The following RSRC1 variants were observed in gnomAD, a reference collection of about 807,000 sequenced individuals.
The protein encoded by RSRC1 is serine/Arginine-related protein 53.
A neutral mutation model predicts 49.1 loss-of-function variants in RSRC1; 39 were observed. The observed-to-expected ratio is 0.79, with a 90% CI of 0.61 to 1.04. RSRC1 has a LOEUF of 1.04. RSRC1 is among the 50% of genes least tolerant of loss of function. The pLI is 0.00. For missense variants in RSRC1, 388 were observed against 402.4 expected (o/e 0.96, Z 0.31); for synonymous variants, 143 against 130.8 (o/e 1.09, Z -0.63).
At chr3:158,272,596 T>C (rs961248979) in intron 4 of RSRC1, among the ~76,000 whole-genome samples, 2 of 152,126 alleles carry the variant, frequency 1.3e-5, no homozygotes, top group African/African-American at 4.8e-5. Context: ...TATTGTTTTT[T>C]CCAGAATTAA....
chr3:158,386,909 G>A, intron 6 of RSRC1, among the ~76,000 whole-genome samples: 1 of 151,742 alleles, frequency 6.6e-6, no homozygotes, highest in East Asian at 1.9e-4. Context: ...GTAGTACATG[G>A]AAATAAAATG....
At chr3:158,143,495 G>T (rs1716876094) in intron 3 of RSRC1, among the ~76,000 whole-genome samples, 2 of 152,030 alleles carry the variant, frequency 1.3e-5, no homozygotes, top group South Asian at 2.1e-4. Flanking sequence ...TTTTTTAAAT[G>T]AAAAGTATTT....
chr3:158,119,457 G>C (rs1715098015), intron 1 of RSRC1, among the ~76,000 whole-genome samples: 1 of 151,972 alleles, frequency 6.6e-6, no homozygotes, highest in African/African-American at 2.4e-5. Flanking sequence ...AAACAAGATA[G>C]CAAGATAGTA....
chr3:158,170,589 T>C (rs1718824096), intron 3 of RSRC1, among the ~76,000 whole-genome samples: 1 of 152,118 alleles, frequency 6.6e-6, no homozygotes, highest in African/African-American at 2.4e-5. Context: ...CTTAAAGAAG[T>C]GTCTCATATG....
intron 6 of RSRC1, among the ~76,000 whole-genome samples, chr3:158,393,110 T>G (rs1733410410): frequency 6.6e-6 from 1 of 152,046 alleles, no homozygotes; most frequent in African/African-American, 2.4e-5. Context: ...AAAAATTCTT[T>G]GAAACTAATG....
intron 4 of RSRC1, among the ~76,000 whole-genome samples, chr3:158,276,587 A>G (rs1259272994): frequency 6.6e-6 from 1 of 152,150 alleles, no homozygotes; most frequent in Non-Finnish European, 1.5e-5. Context: ...CTCCTTCAGT[A>G]TTTGTCTTAT....
chr3:158,159,798 A>G (rs776274558), intron 3 of RSRC1, among the ~76,000 whole-genome samples: 7 of 152,156 alleles, frequency 4.6e-5, no homozygotes, highest in Non-Finnish European at 8.8e-5. Flanking sequence ...AAAAAAAATT[A>G]CTGATGAGAT....
At chr3:158,151,144 G>A (rs1355783008) in intron 3 of RSRC1, among the ~76,000 whole-genome samples, 1 of 152,162 alleles carries the variant, frequency 6.6e-6, no homozygotes, top group African/African-American at 2.4e-5. Flanking sequence ...CAAGAGAGAA[G>A]CATACAGATT....
intron 6 of RSRC1, among the ~76,000 whole-genome samples, chr3:158,411,701 C>G (rs1385152413): frequency 6.6e-6 from 1 of 151,828 alleles, no homozygotes; most frequent in Non-Finnish European, 1.5e-5. Context: ...ATTTATATTT[C>G]TCCAGTTACC....
intron 3 of RSRC1, among the ~76,000 whole-genome samples, chr3:158,131,176 G>A (rs1578115927): frequency 6.6e-6 from 1 of 151,302 alleles, no homozygotes; most frequent in African/African-American, 2.4e-5. Flanking sequence ...TTAAGTTCTA[G>A]GGTACATGTG....
At chr3:158,542,786 A>G (rs916603549) in intron 8 of RSRC1, among the ~76,000 whole-genome samples, 16 of 152,172 alleles carry the variant, frequency 1.1e-4, no homozygotes, top group African/African-American at 3.9e-4. Flanking sequence ...AAAGCCATTG[A>G]ATTATGTACT....
intron 4 of RSRC1, among the ~76,000 whole-genome samples, chr3:158,244,088 C>G (rs562274365): frequency 1.3e-5 from 2 of 151,606 alleles, no homozygotes; most frequent in African/African-American, 4.8e-5. Flanking sequence ...AGCTTGAGTT[C>G]CTCTCTATCT....
intron 3 of RSRC1, among the ~76,000 whole-genome samples, 190 bp downstream of exon 3, chr3:158,124,181 T>C (rs1425147320): frequency 6.6e-6 from 1 of 152,234 alleles, no homozygotes; most frequent in Non-Finnish European, 1.5e-5. Context: ...GATGGTCTAA[T>C]GTGGCCTCAC....
intron 6 of RSRC1, among the ~76,000 whole-genome samples, chr3:158,424,865 G>A (rs1418090595): frequency 6.6e-5 from 10 of 152,000 alleles, no homozygotes; most frequent in African/African-American, 2.4e-4. Context: ...GTTTATTTGC[G>A]TAGACGTGTT....
chr3:158,194,437 C>CACCCATG (rs916894296), intron 3 of RSRC1, among the ~76,000 whole-genome samples: 7 of 150,580 alleles, frequency 4.6e-5, no homozygotes, highest in African/African-American at 1.7e-4. Context: ...TTGTCATGAA[C>CACCCATG]ACCCATGACA....
intron 6 of RSRC1, among the ~76,000 whole-genome samples, chr3:158,371,424 G>C (rs569950563): frequency 2.4e-4 from 37 of 151,558 alleles, no homozygotes; most frequent in African/African-American, 9.0e-4. Flanking sequence ...AGAAACCACT[G>C]ATCTTTTTTT....
intron 5 of RSRC1, among the ~76,000 whole-genome samples, chr3:158,348,655 G>A (rs749694910): frequency 5.3e-5 from 8 of 151,840 alleles, no homozygotes; most frequent in Admixed American, 1.3e-4. Context: ...TGTAATGGTG[G>A]GATCGGGCTT....
intron 1 of RSRC1, among the ~76,000 whole-genome samples, chr3:158,111,747 G>A (rs565753599): frequency 2.0e-5 from 3 of 152,292 alleles, no homozygotes; most frequent in Non-Finnish European, 2.9e-5. Context: ...ATTATAGTTT[G>A]ATATACTGAG....
intron 6 of RSRC1, among the ~76,000 whole-genome samples, chr3:158,434,305 T>C (rs1024229298): frequency 6.6e-6 from 1 of 151,990 alleles, no homozygotes; most frequent in Non-Finnish European, 1.5e-5. Context: ...AGTAAGGTAA[T>C]GTCAATTTTT....
Sources: allele counts gnomAD v4.1 joint callset (sites outside exome capture counted in the v4.1 genomes callset), GRCh38; gene constraint gnomAD v4.1.1; transcripts MANE v1.5; gene names NCBI Gene and HGNC (gene_info 2026-07-23, HGNC 2026-07-21).